The following SORCS3 variants were observed in gnomAD, a reference collection of about 807,000 sequenced individuals.
SORCS3 encodes sortilin related VPS10 domain containing receptor 3.
SORCS3 carries 57 observed loss-of-function variants against 146.3 expected under a neutral mutation model. The observed-to-expected ratio is 0.39, with a 90% CI of 0.31 to 0.49. SORCS3 has a LOEUF of 0.49. SORCS3 is among the 20% of genes least tolerant of loss of function. The probability of loss-of-function intolerance (pLI) is 0.92; values close to 1 mark genes in which losing one functional copy is unlikely to be tolerated. For missense variants in SORCS3, 1,341 were observed against 1,575.5 expected (o/e 0.85, Z 2.52); for synonymous variants, 653 against 618.5 (o/e 1.06, Z -0.83).
chr10:104,929,319 C>G (rs2019182078), intron 3 of SORCS3, among the ~76,000 whole-genome samples: 1 of 152,134 alleles, frequency 6.6e-6, no homozygotes, highest in Admixed American at 6.5e-5. Context: ...TTCGGCTTTC[C>G]CCCCTGCTCA....
At chr10:104,839,479 T>C (rs2018112778) in intron 1 of SORCS3, among the ~76,000 whole-genome samples, 1 of 152,164 alleles carries the variant, frequency 6.6e-6, no homozygotes. Context: ...TTGTCTTACC[T>C]GAGGTACCTT....
rs374516689 is a variant in SORCS3, at chr10:104,977,405, A to G, written c.866A>G (p.Gln289Arg). The G allele has an allele frequency of 1.2e-5, 20 of 1,613,844 alleles. No individual in the cohort carries two copies. The highest frequency in any genetic ancestry group is 1.6e-5 in the Non-Finnish European group (19 of 1,179,900). Residue 289 changes from glutamine to arginine, a missense_variant, in exon 4 of 27, where the codon CAG (glutamine) becomes CGG (arginine). Gln to Arg is a conservative substitution (Grantham distance 43, BLOSUM62 1). Transcript: ENST00000369701. ...LISSDEGATY[Q>R]KYRLTFYIQS... is the part of the protein sequence containing the mutation. ...AGCTCAGACGAAGGGGCGACCTATC[A>G]GAAGTATCGGCTCACCTTCTATATC...
chr10:104,753,868 T>C (rs115564037), intron 1 of SORCS3, among the ~76,000 whole-genome samples: 1,881 of 152,344 alleles, frequency 0.012, 32 homozygotes, highest in African/African-American at 0.038. Context: ...AATTTTGGGC[T>C]ATCATTATGC....
At chr10:105,093,385 A>C (rs1249860413) in intron 6 of SORCS3, among the ~76,000 whole-genome samples, 1 of 152,178 alleles carries the variant, frequency 6.6e-6, no homozygotes. Flanking sequence ...AATTACACTA[A>C]CAGCAAAATT....
At position 104,761,236 on chromosome 10, in the gene SORCS3, A is replaced by G. The variant is rs533311734; in HGVS notation, c.628-81556A>G. On this transcript the variant is annotated intron_variant, in intron 1 of 26. Transcript: ENST00000369701. Reference sequence around the variant, plus strand: ...CAAGGTAGAAAATGACGAGCAAACAATGACATTACTACAGTGGCATTTTAA... The same window carrying G: ...CAAGGTAGAAAATGACGAGCAAACAGTGACATTACTACAGTGGCATTTTAA... Among the ~76,000 whole-genome samples the G allele has an allele frequency of 1.1e-4, 16 of 152,318 alleles. No individual in the cohort carries two copies. In the South Asian group the frequency reaches 1.7e-3, roughly 16 times the overall value.
intron 1 of SORCS3, among the ~76,000 whole-genome samples, chr10:104,804,945 G>T (rs1024792678): frequency 6.6e-6 from 1 of 152,184 alleles, no homozygotes; most frequent in Non-Finnish European, 1.5e-5. Context: ...ATGTTATCTA[G>T]TCACTCAAAT....
At chr10:104,706,281 C>T (rs2016336849) in intron 1 of SORCS3, among the ~76,000 whole-genome samples, 1 of 140,046 alleles carries the variant, frequency 7.1e-6, no homozygotes, top group Non-Finnish European at 1.5e-5. Flanking sequence ...CATCTCAGCT[C>T]ACTGCACCCT....
chr10:104,788,050 C>T (rs944841059), intron 1 of SORCS3, among the ~76,000 whole-genome samples: 11 of 152,170 alleles, frequency 7.2e-5, no homozygotes, highest in Non-Finnish European at 1.0e-4. Context: ...CTTGGAGCCA[C>T]TTCTTCCAGA....
At chr10:104,806,193 A>G (rs1212332828) in intron 1 of SORCS3, among the ~76,000 whole-genome samples, 1 of 152,194 alleles carries the variant, frequency 6.6e-6, no homozygotes, top group Non-Finnish European at 1.5e-5. Flanking sequence ...TCTAAACAGG[A>G]TATTCCTGAC....
At chr10:104,733,612 G>T (rs2016734228) in intron 1 of SORCS3, among the ~76,000 whole-genome samples, 1 of 151,134 alleles carries the variant, frequency 6.6e-6, no homozygotes, top group African/African-American at 2.4e-5. Context: ...ACTGAGTTAG[G>T]TTTAAGAAAT....
chr10:104,943,919 G>T (rs886827008), intron 3 of SORCS3, among the ~76,000 whole-genome samples: 1 of 152,084 alleles, frequency 6.6e-6, no homozygotes, highest in Non-Finnish European at 1.5e-5. Flanking sequence ...AGTTGCTTGA[G>T]TTTTTTGCTT....
intron 2 of SORCS3, among the ~76,000 whole-genome samples, chr10:104,847,614 TCTC>T (rs2018220012): frequency 1.3e-5 from 2 of 152,048 alleles, no homozygotes. Flanking sequence ...CTGCAGGAGC[TCTC>T]CTCTGGCTGC....
At chr10:105,259,503 T>C (rs551082781) in intron 25 of SORCS3, among the ~76,000 whole-genome samples, 67 of 152,358 alleles carry the variant, frequency 4.4e-4, no homozygotes, top group South Asian at 2.7e-3. Flanking sequence ...AGAATTACTA[T>C]GAGCCTCAAG....
At chr10:104,769,471 G>A (rs2017222244) in intron 1 of SORCS3, among the ~76,000 whole-genome samples, 1 of 152,226 alleles carries the variant, frequency 6.6e-6, no homozygotes, top group African/African-American at 2.4e-5. Context: ...GGTCCTTGCT[G>A]TGGGGAATGT....
intron 1 of SORCS3, among the ~76,000 whole-genome samples, chr10:104,804,874 C>T (rs1175672473): frequency 3.9e-5 from 6 of 152,114 alleles, no homozygotes; most frequent in Admixed American, 3.9e-4. Flanking sequence ...TCCTGTGTGC[C>T]TTAGGAAAGG....
At chr10:105,202,300 A>G (rs7905332) in intron 16 of SORCS3, among the ~76,000 whole-genome samples, 51,367 of 151,994 alleles carry the variant, frequency 0.34, 8,822 homozygotes, top group South Asian at 0.48. Flanking sequence ...CCTTTATGTC[A>G]AAATTCCTTA....
chr10:105,249,227 A>G (rs182404508), intron 22 of SORCS3, among the ~76,000 whole-genome samples: 3 of 152,338 alleles, frequency 2.0e-5, no homozygotes, highest in African/African-American at 7.2e-5. Context: ...GGGAAACAAT[A>G]GTGATTTGAC....
At chr10:104,964,971 T>C (rs2054818151) in intron 3 of SORCS3, among the ~76,000 whole-genome samples, 1 of 152,228 alleles carries the variant, frequency 6.6e-6, no homozygotes, top group Non-Finnish European at 1.5e-5. Context: ...TATAGTATTT[T>C]TTTCTTTATG....
intron 2 of SORCS3, among the ~76,000 whole-genome samples, chr10:104,858,237 T>A (rs1017550136): frequency 3.3e-5 from 5 of 152,214 alleles, no homozygotes; most frequent in African/African-American, 1.2e-4. Flanking sequence ...AAATCATTGT[T>A]ATGTTTTGGC....
Sources: allele counts gnomAD v4.1 joint callset (sites outside exome capture counted in the v4.1 genomes callset), GRCh38; gene constraint gnomAD v4.1.1; transcripts MANE v1.5; gene names NCBI Gene and HGNC (gene_info 2026-07-23, HGNC 2026-07-21).